Variants in TFE3 observed in about 807,000 individuals in gnomAD.
TFE3 encodes transcription factor binding to IGHM enhancer 3, also known as transcription factor E3.
Under a neutral mutation model 35.0 loss-of-function variants are expected in TFE3, and 5 were observed. The ratio of observed to expected loss-of-function variants is 0.14; its 90% CI spans 0.07 to 0.30. The LOEUF (loss-of-function observed/expected upper bound fraction) is 0.30, where lower values mean the gene tolerates loss of function less well. Among genes scored for constraint, TFE3 ranks in the 10% least tolerant of loss-of-function variants. TFE3 has a pLI of 1.00. For missense variants in TFE3, 374 were observed against 496.6 expected (o/e 0.75, Z 2.35); for synonymous variants, 211 against 215.6 (o/e 0.98, Z 0.18).
intron 5 of TFE3, chrX:49,037,713 A>G: frequency 4.6e-6 from 1 of 219,539 alleles, no homozygotes. Context: ...AAAAAAAAAA[A>G]AAAAGATTAT....
At position 49,038,242 on chromosome X, in the gene TFE3, G is replaced by C; in HGVS notation, c.735C>G (p.Asn245Lys). ...CGATGGTGAGCAGCGCCATGGGGCTGTTGGGCGCACTGCCTGTGGGGCCGG... is the reference window on the plus strand; with the variant it reads ...CGATGGTGAGCAGCGCCATGGGGCTCTTGGGCGCACTGCCTGTGGGGCCGG... ...HTTGPTGSAP[N>K]SPMALLTIGS... Residue 245 changes from asparagine (N) to lysine (K), a missense_variant, in exon 4 of 10, where the codon AAC becomes AAG. By Grantham distance (94) the Asn-to-Lys change is moderately conservative (BLOSUM62 0). Coordinates refer to ENST00000315869, the MANE Select transcript of TFE3 (RefSeq NM_006521.6). The C allele has an allele frequency of 8.3e-7, 1 of 1,210,822 alleles. No individual in the cohort carries two copies. The highest frequency in any genetic ancestry group is 1.1e-6 in the Non-Finnish European group (1 of 895,323).
In TFE3 at chrX:49,043,257, C is replaced by T. The variant is rs781879799; in HGVS notation, c.-31G>A. Reference sequence around the variant, plus strand: ...CCGGCCCCGGGCGAGCCCTGCCAGGCCGGTCGGGCCTCGGCCCGGTCCCCC... The same window carrying T: ...CCGGCCCCGGGCGAGCCCTGCCAGGTCGGTCGGGCCTCGGCCCGGTCCCCC... On this transcript the variant is annotated 5_prime_UTR_variant, in exon 1 of 10. Coordinates refer to ENST00000315869, the MANE Select transcript of TFE3 (RefSeq NM_006521.6). 9.3e-7 allele frequency: 1 copy of T among 1,076,821 alleles called. No individual in the cohort carries two copies. Among genetic ancestry groups the T allele is most frequent in the East Asian group, 3.4e-5 (1 of 29,537 alleles). 88.7% of individuals were successfully genotyped at this position (1,076,821 alleles called of 1,213,427 possible).
chrX:49,040,936 C>A (rs2064757519), intron 1 of TFE3, among the ~76,000 whole-genome samples: 1 of 97,980 alleles, frequency 1.0e-5, no homozygotes, highest in African/African-American at 3.9e-5. Flanking sequence ...ATACCCCCTA[C>A]TTTTTTTTTT....
chrX:49,043,030 C>T (rs1557075940), intron 1 of TFE3, 81 bp downstream of exon 1: 1 of 884,991 alleles, frequency 1.1e-6, no homozygotes, highest in Non-Finnish European at 1.5e-6. Flanking sequence ...GCCTCCAATC[C>T]CAGTCCGGGG....
intron 5 of TFE3, among the ~76,000 whole-genome samples, chrX:49,036,365 G>A (rs1385687771): frequency 9.5e-6 from 1 of 105,310 alleles, no homozygotes; most frequent in Non-Finnish European, 1.9e-5. Flanking sequence ...TACTTGGGAG[G>A]CTGAGGCAGG....
At chrX:49,037,257 G>A (rs1313895264) in intron 5 of TFE3, among the ~76,000 whole-genome samples, 8 of 111,068 alleles carry the variant, frequency 7.2e-5, no homozygotes, top group African/African-American at 2.3e-4. Context: ...AGATCGCACC[G>A]CTGCACTCCA....
Position 49,030,142 on chromosome X carries a change from G to A in TFE3, c.*16C>T, listed in dbSNP as rs1557073437. 20 of 1,194,056 alleles carry A rather than the reference G, an allele frequency of 1.7e-5. No homozygotes were observed. In the South Asian group the frequency reaches 3.3e-4, roughly 20 times the overall value. On this transcript the variant is annotated 3_prime_UTR_variant, in exon 10 of 10. Coordinates refer to ENST00000315869, the MANE Select transcript of TFE3 (RefSeq NM_006521.6). ...TTTCCTGGGTGGGAAAGTCCCAGGG[G>A]AGGGGTGAGGCCTGATCAGGACTCC... is the stretch of plus-strand genomic sequence containing the variant.
At position 49,029,469 on chromosome X, in the gene TFE3, C is replaced by T. The variant is rs1557073229; in HGVS notation, c.*689G>A. 3.8e-6 allele frequency: 1 copy of T among 265,666 alleles called. No individual in the cohort carries two copies. The highest frequency in any genetic ancestry group is 1.2e-3 in the Middle Eastern group (1 of 818). 21.9% of individuals were successfully genotyped at this position (265,666 alleles called of 1,213,427 possible). A position where few individuals can be genotyped will look rare whatever the true frequency, so the allele number is the denominator to read the frequency against. The stretch of plus-strand genomic sequence containing the variant: ...GGGCTGTGATCTCCACAAGCACTAG[C>T]GGTGGCCTGGTCCTACTGATTCTTT... On this transcript the variant is annotated 3_prime_UTR_variant, in exon 10 of 10. Coordinates refer to ENST00000315869, the MANE Select transcript of TFE3 (RefSeq NM_006521.6).
intron 1 of TFE3, 88 bp from the exon 2 acceptor site, chrX:49,040,656 G>T (rs7056903): frequency 5.3e-5 from 34 of 644,782 alleles, no homozygotes; most frequent in Non-Finnish European, 6.9e-5. Flanking sequence ...AGAGAGAGAG[G>T]GGGGGAGAAC....
intron 3 of TFE3, 25 bp downstream of exon 3, chrX:49,039,082 C>T (rs1557075252): frequency 8.8e-7 from 1 of 1,131,145 alleles, no homozygotes; most frequent in Non-Finnish European, 1.2e-6. Flanking sequence ...GAGCCCCCTC[C>T]CAGGGCCTCT....
intron 1 of TFE3, among the ~76,000 whole-genome samples, chrX:49,042,426 G>A (rs1213333741): frequency 9.0e-6 from 1 of 111,220 alleles, no homozygotes; most frequent in Non-Finnish European, 1.9e-5. Context: ...TGTGGGAAGA[G>A]GGCTTTTCCA....
At position 49,042,974 on chromosome X, in the gene TFE3, C is replaced by T. The variant is rs1395544349; in HGVS notation, c.116+137G>A. 1.6e-5 allele frequency: 7 copies of T among 441,073 alleles called. No homozygotes were observed. The East Asian group carries it at 2.5e-4, about 16-fold the overall frequency. The allele number at this position is 441,073 out of a possible 1,213,427, so 36.3% of individuals were successfully genotyped here. A position where few individuals can be genotyped will look rare whatever the true frequency, so the allele number is the denominator to read the frequency against. On this transcript the variant is annotated intron_variant, in intron 1 of 9. Transcript: ENST00000315869. ...AGGCCACTGCCGGATTCCTTAGGTG[C>T]CCCCCCAAGACGGGCGCCCCGACGT...
At chrX:49,039,612 G>A in intron 2 of TFE3, 1 of 393,808 alleles carries the variant, frequency 2.5e-6, no homozygotes, top group Admixed American at 5.1e-5. Flanking sequence ...ACACACTGGA[G>A]GTCAGTCTGG....
rs781885410 is a variant in TFE3 at position 49,039,697 on chromosome X, A to G, written c.231-287T>C. The G allele has an allele frequency of 3.0e-5, 8 of 267,329 alleles. No individual in the cohort carries two copies. In the South Asian group the frequency reaches 1.2e-3, roughly 39 times the overall value. The allele number at this position is 267,329 out of a possible 1,213,427, so 22.0% of individuals were successfully genotyped here. A position where few individuals can be genotyped will look rare whatever the true frequency, so the allele number is the denominator to read the frequency against. ...TGTTCACATATTAAGTGGAGATGCT[A>G]TTGTTCAGCTCTGCAAGGGGGGGTT... is the stretch of plus-strand genomic sequence containing the variant. On this transcript the variant is annotated intron_variant, in intron 2 of 9. Coordinates refer to ENST00000315869, the MANE Select transcript of TFE3 (RefSeq NM_006521.6).
rs1439358946 is a variant in TFE3 at position 49,029,909 on chromosome X, C to T, written c.*249G>A. ...TGATCCCCAGGGGGCAGGCCCTGAT[C>T]TCATGTCCTTCTCCAGCCTTCTCCT... On this transcript the variant is annotated 3_prime_UTR_variant, in exon 10 of 10. Coordinates refer to ENST00000315869, the MANE Select transcript of TFE3 (RefSeq NM_006521.6). 1 of 511,282 alleles carries T rather than the reference C, an allele frequency of 2.0e-6. No homozygotes were observed. Among genetic ancestry groups the T allele is most frequent in the Admixed American group, 2.4e-5 (1 of 41,484 alleles). The allele number at this position is 511,282 out of a possible 1,213,427, so 42.1% of individuals were successfully genotyped here. A position where few individuals can be genotyped will look rare whatever the true frequency, so the allele number is the denominator to read the frequency against.
intron 1 of TFE3, 151 bp from the exon 2 acceptor site, chrX:49,040,719 C>T (rs1187859636): frequency 1.4e-5 from 6 of 442,239 alleles, no homozygotes; most frequent in African/African-American, 2.5e-5. Flanking sequence ...GGTACCACAC[C>T]ACCATGAATT....
At chrX:49,037,276 G>A (rs1302924994) in intron 5 of TFE3, among the ~76,000 whole-genome samples, 1 of 112,123 alleles carries the variant, frequency 8.9e-6, no homozygotes, top group Non-Finnish European at 1.9e-5. Flanking sequence ...CAGCCAGGGT[G>A]ACAGAGTGAG....
Position 49,029,957 on chromosome X carries a change from G to A in TFE3, c.*201C>T, listed in dbSNP as rs1557073378. The A allele has an allele frequency of 1.9e-6, 1 of 519,090 alleles. No individual in the cohort carries two copies. The highest frequency in any genetic ancestry group is 2.6e-5 in the Admixed American group (1 of 38,742). 42.8% of individuals were successfully genotyped at this position (519,090 alleles called of 1,213,427 possible). A position where few individuals can be genotyped will look rare whatever the true frequency, so the allele number is the denominator to read the frequency against. On this transcript the variant is annotated 3_prime_UTR_variant, in exon 10 of 10. Coordinates refer to ENST00000315869, the MANE Select transcript of TFE3 (RefSeq NM_006521.6). The stretch of plus-strand genomic sequence containing the variant: ...CCTTCTGAAATACCTGCACTGGGCG[G>A]TTCCTTTGGGGAAGGTGCAGGGCCT...
chrX:49,041,764 T>C (rs955170881), intron 1 of TFE3, among the ~76,000 whole-genome samples: 1 of 112,160 alleles, frequency 8.9e-6, no homozygotes, highest in Admixed American at 9.5e-5. Context: ...AAGGCTCTGC[T>C]CAGCCCCAGA....
Sources: allele counts gnomAD v4.1 joint callset (sites outside exome capture counted in the v4.1 genomes callset), GRCh38; gene constraint gnomAD v4.1.1; transcripts MANE v1.5; gene names NCBI Gene and HGNC (gene_info 2026-07-23, HGNC 2026-07-21).